The following NFX1 variants were observed in gnomAD, a reference collection of about 807,000 sequenced individuals.
The protein encoded by NFX1 is nuclear transcription factor, X-box binding 1, also known as transcriptional repressor NF-X1.
NFX1 carries 69 observed loss-of-function variants against 137.2 expected under a neutral mutation model. The ratio of observed to expected loss-of-function variants is 0.50; its 90% CI spans 0.41 to 0.61. NFX1 has a LOEUF of 0.61. Among genes scored for constraint, NFX1 ranks in the 20% least tolerant of loss-of-function variants. The probability of loss-of-function intolerance (pLI) is 0.00; values close to 1 mark genes in which losing one functional copy is unlikely to be tolerated. For missense variants in NFX1, 1,167 were observed against 1,391.0 expected (o/e 0.84, Z 2.56); for synonymous variants, 495 against 474.1 (o/e 1.04, Z -0.57).
chr9:33,335,146 A>G (rs1410277152), intron 11 of NFX1, among the ~76,000 whole-genome samples: 1 of 151,802 alleles, frequency 6.6e-6, no homozygotes, highest in Non-Finnish European at 1.5e-5. Flanking sequence ...GTTCAGTGGC[A>G]CTTAGTTCTT....
chr9:33,308,064 C>T (rs1821824052), intron 5 of NFX1, among the ~76,000 whole-genome samples: 1 of 152,086 alleles, frequency 6.6e-6, no homozygotes, highest in South Asian at 2.1e-4. Context: ...CTCAGCCTCC[C>T]AACATGCCAG....
intron 2 of NFX1, among the ~76,000 whole-genome samples, chr9:33,297,526 A>C (rs562347166): frequency 1.5e-3 from 229 of 152,300 alleles, no homozygotes; most frequent in Non-Finnish European, 2.0e-3. Flanking sequence ...GGTCAGATGA[A>C]TGGGTCCTGG....
intron 4 of NFX1, among the ~76,000 whole-genome samples, chr9:33,305,227 T>A (rs1181072046): frequency 6.6e-6 from 1 of 152,172 alleles, no homozygotes; most frequent in Non-Finnish European, 1.5e-5. Flanking sequence ...CTATGGGAGA[T>A]CTTTGGGGTA....
At chr9:33,340,064 C>G (rs1296644587) in intron 12 of NFX1, among the ~76,000 whole-genome samples, 1 of 152,220 alleles carries the variant, frequency 6.6e-6, no homozygotes, top group African/African-American at 2.4e-5. Context: ...GGACAGTGGC[C>G]TTCTTCTCAC....
chr9:33,324,905 G>C (rs1341322729), intron 9 of NFX1, among the ~76,000 whole-genome samples: 2 of 150,874 alleles, frequency 1.3e-5, no homozygotes, highest in Non-Finnish European at 2.9e-5. Flanking sequence ...CTCCAGCCTG[G>C]GCAACAGAGT....
rs768832725 is a variant in NFX1 at position 33,364,700 on chromosome 9, C to G, written c.2973-8C>G. On this transcript the variant is annotated splice_polypyrimidine_tract_variant and splice_region_variant and intron_variant, in intron 20 of 23. Coordinates refer to ENST00000379540, the MANE Select transcript of NFX1 (RefSeq NM_002504.6). The stretch of plus-strand genomic sequence containing the variant: ...CAGACAAAATTAACTGGTGATTTCT[C>G]ATTTCAGGAAGGACTTAAAGTTTGT... The G allele has an allele frequency of 5.0e-6, 8 of 1,612,094 alleles. No individual in the cohort carries two copies. The highest frequency in any genetic ancestry group is 6.8e-6 in the Non-Finnish European group (8 of 1,179,060).
chr9:33,352,747 G>A (rs1823683230), intron 17 of NFX1, 28 bp downstream of exon 17: 6 of 1,565,108 alleles, frequency 3.8e-6, no homozygotes, highest in South Asian at 3.3e-5. Flanking sequence ...GTTAACAACT[G>A]ATGGCCTAGG....
intron 14 of NFX1, 89 bp downstream of exon 14, chr9:33,344,277 C>G (rs1823331688): frequency 2.6e-6 from 4 of 1,553,236 alleles, no homozygotes; most frequent in Non-Finnish European, 3.5e-6. Context: ...GCTCTAGAGT[C>G]ATGCTGTGAT....
chr9:33,342,886 G>A (rs1378001678), intron 13 of NFX1, 32 bp downstream of exon 13: 2 of 1,409,238 alleles, frequency 1.4e-6, no homozygotes, highest in East Asian at 4.6e-5. Context: ...TTTATTAGAA[G>A]AGTTTTTTAG....
intron 19 of NFX1, among the ~76,000 whole-genome samples, chr9:33,358,346 A>G (rs1823880211): frequency 6.6e-6 from 1 of 152,142 alleles, no homozygotes; most frequent in African/African-American, 2.4e-5. Flanking sequence ...GGACAGTCTC[A>G]ATCTCCTGAC....
chr9:33,366,269 A>C (rs1824166508), intron 21 of NFX1, among the ~76,000 whole-genome samples: 1 of 152,154 alleles, frequency 6.6e-6, no homozygotes, highest in Non-Finnish European at 1.5e-5. Flanking sequence ...TAAAGGAAAT[A>C]ATATTTTCTT....
intron 2 of NFX1, 92 bp from the exon 3 acceptor site, chr9:33,301,157 GTTTGGATTCTTCTC>G: frequency 9.5e-7 from 1 of 1,049,946 alleles, no homozygotes; most frequent in Admixed American, 2.4e-5. Flanking sequence ...AAATCTCTGT[GTTTGGATTCTTCTC>G]TTGAGTGACT....
intron 9 of NFX1, among the ~76,000 whole-genome samples, chr9:33,322,119 T>C (rs1399022762): frequency 2.0e-5 from 3 of 151,256 alleles, no homozygotes; most frequent in African/African-American, 7.3e-5. Flanking sequence ...GGGAATTGCT[T>C]GAACCTGGGG....
Position 33,370,200 on chromosome 9 carries a change from G to A in NFX1, c.*222G>A. On this transcript the variant is annotated 3_prime_UTR_variant, in exon 24 of 24. Coordinates refer to ENST00000379540, the MANE Select transcript of NFX1 (RefSeq NM_002504.6). ...CAGATCTCTGATTGTATGGTCACTA[G>A]GTATGCAATCACGCATTCAAAGAGG... 1 of 448,992 alleles carries A rather than the reference G, an allele frequency of 2.2e-6. No homozygotes were observed. The highest frequency in any genetic ancestry group is 3.9e-6 in the Non-Finnish European group (1 of 256,364). The allele number at this position is 448,992 out of a possible 1,614,324, so 27.8% of individuals were successfully genotyped here. A position where few individuals can be genotyped will look rare whatever the true frequency, so the allele number is the denominator to read the frequency against.
chr9:33,301,223 G>GT (rs1419549447), intron 2 of NFX1, 40 bp from the exon 3 acceptor site: 60 of 1,577,512 alleles, frequency 3.8e-5, no homozygotes, highest in Non-Finnish European at 4.9e-5. Context: ...GGTTTTTTGT[G>GT]TTTGAGTTAA....
At chr9:33,303,576 C>G (rs1821651215) in intron 4 of NFX1, among the ~76,000 whole-genome samples, 1 of 152,192 alleles carries the variant, frequency 6.6e-6, no homozygotes. Context: ...TCATCTCACC[C>G]CCAGCAGTTA....
chr9:33,307,489 A>C (rs1821794365), intron 5 of NFX1, among the ~76,000 whole-genome samples, 190 bp downstream of exon 5: 1 of 152,248 alleles, frequency 6.6e-6, no homozygotes, highest in South Asian at 2.1e-4. Flanking sequence ...ACCACAGCCC[A>C]GTAATAGATA....
At chr9:33,349,509 A>G (rs771251359) in intron 15 of NFX1, among the ~76,000 whole-genome samples, 6 of 152,182 alleles carry the variant, frequency 3.9e-5, no homozygotes, top group African/African-American at 7.2e-5. Flanking sequence ...GGAAATATGT[A>G]TGTCCTAGAT....
At chr9:33,307,385 A>G in intron 5 of NFX1, 86 bp downstream of exon 5, 1 of 1,127,898 alleles carries the variant, frequency 8.9e-7, no homozygotes. Context: ...TTAGCATGTA[A>G]TGGTTTGGGA....
Sources: gnomAD v4.1 joint callset for allele counts (sites outside exome capture counted in the v4.1 genomes callset) on GRCh38, gnomAD v4.1.1 for gene constraint, MANE v1.5 for transcripts, NCBI Gene and HGNC (gene_info 2026-07-23, HGNC 2026-07-21) for gene names.